The following BLTP1 variants were observed in gnomAD, a reference collection of about 807,000 sequenced individuals.
BLTP1 encodes fragile site-associated protein.
the BLTP1 span, among the ~76,000 whole-genome samples, chr4:122,260,927 C>T: frequency 5.9e-5 from 9 of 151,870 alleles, no homozygotes; most frequent in East Asian, 3.9e-4. Context: ...GAATGATCAC[C>T]GAAGTACACT....
chr4:122,201,880 G>A, the BLTP1 span: 1 of 984,824 alleles, frequency 1.0e-6, no homozygotes, highest in Non-Finnish European at 1.2e-6. Flanking sequence ...GCGTCTCATC[G>A]ATGCTGAGTA....
At chr4:122,331,361 C>T in the BLTP1 span, 1 of 1,611,508 alleles carries the variant, frequency 6.2e-7, no homozygotes, top group East Asian at 2.2e-5. Flanking sequence ...GGCTTTGCTG[C>T]TGTTCATCAG....
At chr4:122,305,079 A>C in the BLTP1 span, 2 of 1,295,100 alleles carry the variant, frequency 1.5e-6, no homozygotes, top group South Asian at 2.0e-5. Flanking sequence ...ATTTACAAAA[A>C]TATTTAGTTT....
the BLTP1 span, chr4:122,277,470 T>A: frequency 3.1e-6 from 3 of 982,554 alleles, no homozygotes; most frequent in Non-Finnish European, 3.6e-6. Context: ...ATTCTTTTGC[T>A]TTACTTCTTT....
the BLTP1 span, chr4:122,262,050 A>C: frequency 0.091 from 88,836 of 972,034 alleles, 5,090 homozygotes; most frequent in African/African-American, 0.26. Context: ...CCGTAAAAAA[A>C]TGCAGGGAAG....
the BLTP1 span, chr4:122,232,306 C>G: frequency 5.9e-6 from 1 of 170,206 alleles, no homozygotes; most frequent in Non-Finnish European, 1.2e-5. Flanking sequence ...CCCTGTATCC[C>G]CCAAGTAGAG....
At chr4:122,245,803 T>A in the BLTP1 span, among the ~76,000 whole-genome samples, 1 of 152,110 alleles carries the variant, frequency 6.6e-6, no homozygotes, top group African/African-American at 2.4e-5. Flanking sequence ...AAAAAGAAAT[T>A]TGAAAATATT....
chr4:122,254,986 C>T, the BLTP1 span: 2 of 1,530,050 alleles, frequency 1.3e-6, no homozygotes, highest in Admixed American at 1.9e-5. Flanking sequence ...AGGTATTATA[C>T]AAACTTTAGT....
chr4:122,286,489 G>T, the BLTP1 span: 8 of 1,603,032 alleles, frequency 5.0e-6, no homozygotes, highest in Non-Finnish European at 6.8e-6. Flanking sequence ...AGTGAGGAAT[G>T]AATGAGTGAA....
chr4:122,336,900 A>G, the BLTP1 span: 2 of 1,603,876 alleles, frequency 1.2e-6, no homozygotes, highest in Admixed American at 1.7e-5. Context: ...CACAAGATGA[A>G]GATATGGGAC....
At chr4:122,183,836 T>TA in the BLTP1 span, among the ~76,000 whole-genome samples, 1 of 152,124 alleles carries the variant, frequency 6.6e-6, no homozygotes. Context: ...ACTGTCCCCC[T>TA]ACAGCTTTAT....
chr4:122,321,979 A>ATTTTTTTT, the BLTP1 span, among the ~76,000 whole-genome samples: 6 of 27,020 alleles, frequency 2.2e-4, 1 homozygote, highest in African/African-American at 6.5e-4. Context: ...ACTACATGTA[A>ATTTTTTTT]TTTTTTTTTT....
At chr4:122,215,838 C>T in the BLTP1 span, among the ~76,000 whole-genome samples, 641 of 143,610 alleles carry the variant, frequency 4.5e-3, 2 homozygotes, top group African/African-American at 0.016. Flanking sequence ...TCCCTCACCC[C>T]CCCCATCCTT....
chr4:122,340,757 A>G, the BLTP1 span: 2 of 984,526 alleles, frequency 2.0e-6, no homozygotes, highest in Non-Finnish European at 2.4e-6. Context: ...TTGTCAACAA[A>G]ATATTGTAGT....
At chr4:122,330,877 G>A in the BLTP1 span, 25 of 423,360 alleles carry the variant, frequency 5.9e-5, no homozygotes, top group African/African-American at 5.0e-4. Context: ...TGATTTTTTT[G>A]TATGGTATAA....
the BLTP1 span, chr4:122,325,816 G>GTTTTTTTTTTTTTTATTTTT: frequency 1.3e-6 from 1 of 786,100 alleles, no homozygotes. Flanking sequence ...TTTTTCATGA[G>GTTTTTTTTTTTTTTATTTTT]TTTTTTTTTT....
the BLTP1 span, chr4:122,196,860 C>T: frequency 8.8e-6 from 7 of 794,478 alleles, no homozygotes; most frequent in African/African-American, 3.6e-5. Context: ...GAGTTTTTTC[C>T]TGGTGACTAG....
At chr4:122,183,822 C>G in the BLTP1 span, among the ~76,000 whole-genome samples, 1 of 152,064 alleles carries the variant, frequency 6.6e-6, no homozygotes, top group Non-Finnish European at 1.5e-5. Flanking sequence ...TACTTTCCAA[C>G]CTCACTGTCC....
chr4:122,340,970 C>T, the BLTP1 span: 2,415 of 278,352 alleles, frequency 8.7e-3, 13 homozygotes, highest in Non-Finnish European at 0.012. Flanking sequence ...ATGGCCTCTT[C>T]TGCTATGTAA....
Sources: allele counts gnomAD v4.1 joint callset (sites outside exome capture counted in the v4.1 genomes callset), GRCh38; gene constraint gnomAD v4.1.1; transcripts MANE v1.5; gene names NCBI Gene and HGNC (gene_info 2026-07-23, HGNC 2026-07-21).